The following NR2C1 variants were observed in gnomAD, a reference collection of about 807,000 sequenced individuals.
NR2C1 encodes the protein nuclear receptor subfamily 2 group C member 1.
In NR2C1, 33 loss-of-function variants were observed where a neutral mutation model predicts 74.8. The observed-to-expected ratio is 0.44, with a 90% confidence interval of 0.33 to 0.59. The LOEUF (loss-of-function observed/expected upper bound fraction) is 0.59. Ranked by LOEUF, NR2C1 falls within the 20% of genes least tolerant of loss-of-function variation. NR2C1 has a pLI of 0.02. For missense variants in NR2C1, 568 were observed against 715.6 expected, an observed-to-expected ratio of 0.79 and a Z score of 2.35; for synonymous variants, 225 against 240.6, an observed-to-expected ratio of 0.94 and a Z score of 0.60.
intron 9 of NR2C1, 86 bp from the exon 10 acceptor site, chr12:95,040,683 C>T (rs1420760011): frequency 1.6e-6 from 2 of 1,265,584 alleles, no homozygotes; most frequent in Non-Finnish European, 2.2e-6. Flanking sequence ...AAACGTAACA[C>T]ATCAAATGAG....
intron 2 of NR2C1, among the ~76,000 whole-genome samples, chr12:95,065,447 C>T (rs1480586830): frequency 6.6e-6 from 1 of 151,920 alleles, no homozygotes; most frequent in Non-Finnish European, 1.5e-5. Flanking sequence ...ATTAACAACC[C>T]ATTAAATGTT....
chr12:95,049,054 AC>A lies in NR2C1; in HGVS notation c.1131+13del, dbSNP rs1349341108. The A allele has an allele frequency of 6.2e-7, 1 of 1,608,250 alleles. No individual in the cohort carries two copies. Among genetic ancestry groups the A allele is most frequent in the African/African-American group, 1.3e-5 (1 of 74,588 alleles). On this transcript the variant is annotated intron_variant, in intron 9 of 13. Transcript: ENST00000333003. ...CAACACAACATACAAGTTAAAAAAA[AC>A]ATATAGAAATACCCTGAAAGCTACA...
intron 10 of NR2C1, among the ~76,000 whole-genome samples, chr12:95,038,409 T>TA (rs1324900382): frequency 3.3e-5 from 5 of 152,236 alleles, no homozygotes; most frequent in African/African-American, 1.2e-4. Flanking sequence ...CGTTACTTTT[T>TA]AGACATGTGA....
At chr12:95,031,005 G>T in intron 11 of NR2C1, 1 of 770,068 alleles carries the variant, frequency 1.3e-6, no homozygotes, top group Non-Finnish European at 2.1e-6. Context: ...ATAAAGAAAG[G>T]TCATTTAAAA....
intron 10 of NR2C1, among the ~76,000 whole-genome samples, chr12:95,039,383 T>C (rs188608836): frequency 6.6e-6 from 1 of 152,326 alleles, no homozygotes; most frequent in East Asian, 1.9e-4. Flanking sequence ...AGAACAGGTA[T>C]ACAGGATGTG....
intron 5 of NR2C1, chr12:95,058,084 C>G (rs1874189999): frequency 3.0e-6 from 2 of 659,298 alleles, no homozygotes. Context: ...ATCTCTCATT[C>G]TTTTTGCCAA....
chr12:95,043,672 AG>A (rs1299833064), intron 9 of NR2C1, among the ~76,000 whole-genome samples: 6 of 140,424 alleles, frequency 4.3e-5, no homozygotes, highest in Non-Finnish European at 9.1e-5. Context: ...CCTGGGAGAC[AG>A]AGCAAGACTC....
chr12:95,067,869 T>G, intron 1 of NR2C1, among the ~76,000 whole-genome samples: 1 of 144,588 alleles, frequency 6.9e-6, no homozygotes, highest in Non-Finnish European at 1.5e-5. Context: ...TGCCCACCCC[T>G]CCATGTATCT....
rs986798548 is a variant in NR2C1, at chr12:95,022,223, C to T, written c.*6G>A. The T allele has an allele frequency of 1.2e-6, 2 of 1,604,696 alleles. No homozygotes were observed. Among genetic ancestry groups the T allele is most frequent in the African/African-American group, 1.3e-5 (1 of 74,354 alleles). On this transcript the variant is annotated 3_prime_UTR_variant, in exon 14 of 14. Transcript: ENST00000333003. The stretch of plus-strand genomic sequence containing the variant: ...AGTTAAGTTTACAGCACTGCAGTCA[C>T]AGTTTTCAAATGCTGTGACCAATTA...
chr12:95,067,390 A>G lies in NR2C1; in HGVS notation c.-6T>C. The G allele has an allele frequency of 1.9e-6, 3 of 1,608,336 alleles. No individual in the cohort carries two copies. Among genetic ancestry groups the G allele is most frequent in the Non-Finnish European group, 2.6e-6 (3 of 1,174,940 alleles). On this transcript the variant is annotated splice_region_variant and 5_prime_UTR_variant, in exon 2 of 14. Coordinates refer to ENST00000333003, the MANE Select transcript of NR2C1 (RefSeq NM_003297.4). ...ATTTCTTCTATGGTTGCCATGATCTACCTGCCAAAAATAAAAAGATGTTTT... is the reference window on the plus strand; with the variant it reads ...ATTTCTTCTATGGTTGCCATGATCTGCCTGCCAAAAATAAAAAGATGTTTT...
At chr12:95,029,918 G>A (rs1869856383) in intron 11 of NR2C1, among the ~76,000 whole-genome samples, 1 of 152,086 alleles carries the variant, frequency 6.6e-6, no homozygotes, top group South Asian at 2.1e-4. Flanking sequence ...GTCCAAGCTA[G>A]GGTGTAGTGG....
intron 3 of NR2C1, among the ~76,000 whole-genome samples, chr12:95,060,435 C>A (rs796589574): frequency 3.3e-5 from 5 of 152,314 alleles, no homozygotes; most frequent in African/African-American, 1.2e-4. Flanking sequence ...GGGCAGATCA[C>A]CTGAGGTCAG....
Position 95,062,725 on chromosome 12 carries a change from T to C in NR2C1, c.68A>G (p.Gln23Arg), listed in dbSNP as rs1334270652. The C allele has an allele frequency of 8.7e-6, 14 of 1,613,112 alleles. No individual in the cohort carries two copies. Among genetic ancestry groups the C allele is most frequent in the Non-Finnish European group, 1.2e-5 (14 of 1,179,132 alleles). Reference protein sequence around the residue: ...EQQMGEIVTEQQTGQKIQIVT... With the variant: ...EQQMGEIVTERQTGQKIQIVT... The stretch of plus-strand genomic sequence containing the variant: ...AATCTGGATTTTCTGCCCAGTTTGC[T>C]GCTCTGTAACAATCTAACAAAATCA... The change falls in exon 3 of 14, where the codon CAG becomes CGG. Residue 23 changes from glutamine to arginine, a missense_variant. Around this residue, in one of 6 missense-constraint regions of NR2C1, gnomAD observed 128 missense variants for 118.9 expected, o/e 1.08. Coordinates refer to ENST00000333003, the MANE Select transcript of NR2C1 (RefSeq NM_003297.4).
In NR2C1 at chr12:95,059,855, ATAGGAGGTTATTTTTTTTTTCTGTTTT is replaced by A. The variant is rs769082263; in HGVS notation, c.364+24_364+50del. ...TAGTTATTTCAACAACACGACACAT[ATAGGAGGTTATTTTTTTTTTCTGTTTT>A]TAGGAGGTTATTCTTAATGTTACCT... On this transcript the variant is annotated intron_variant, in intron 4 of 13. Transcript: ENST00000333003. 9.2e-6 allele frequency: 12 copies of A among 1,297,620 alleles called. No homozygotes were observed. The South Asian group carries it at 1.4e-4, about 15-fold the overall frequency. The allele number at this position is 1,297,620 out of a possible 1,614,324, so 80.4% of individuals were successfully genotyped here. A position where few individuals can be genotyped will look rare whatever the true frequency, so the allele number is the denominator to read the frequency against.
At chr12:95,029,993 A>T (rs983025269) in intron 11 of NR2C1, among the ~76,000 whole-genome samples, 1 of 152,106 alleles carries the variant, frequency 6.6e-6, no homozygotes, top group South Asian at 2.1e-4. Context: ...TCAGATTCCT[A>T]AGTAGCTGGG....
At chr12:95,033,305 T>C (rs1440394810) in intron 10 of NR2C1, among the ~76,000 whole-genome samples, 1 of 152,102 alleles carries the variant, frequency 6.6e-6, no homozygotes, top group Non-Finnish European at 1.5e-5. Context: ...TAATTTTAGG[T>C]AATAAAAATT....
At chr12:95,071,779 G>C (rs1393556552) in intron 1 of NR2C1, among the ~76,000 whole-genome samples, 2 of 144,110 alleles carry the variant, frequency 1.4e-5, no homozygotes, top group Non-Finnish European at 3.0e-5. Context: ...ACGGAGTTTC[G>C]CTCTTCTTGC....
intron 10 of NR2C1, among the ~76,000 whole-genome samples, chr12:95,035,725 C>A (rs750184727): frequency 3.9e-5 from 6 of 152,096 alleles, no homozygotes; most frequent in Admixed American, 1.3e-4. Context: ...AACCAAAAAC[C>A]CTGATGGTAT....
At chr12:95,027,532 T>C (rs1208412374) in intron 12 of NR2C1, among the ~76,000 whole-genome samples, 2 of 151,686 alleles carry the variant, frequency 1.3e-5, no homozygotes, top group African/African-American at 2.4e-5. Context: ...AGGTCAGGAG[T>C]TCAACACCAG....
Sources: gnomAD v4.1 joint callset for allele counts (sites outside exome capture counted in the v4.1 genomes callset) on GRCh38, gnomAD v4.1.1 for gene constraint, gnomAD v4.1.1 regional missense constraint, MANE v1.5 for transcripts, NCBI Gene and HGNC (gene_info 2026-07-23, HGNC 2026-07-21) for gene names.